CLASP1: variants seen among roughly 807,000 people sequenced by gnomAD.
CLASP1 encodes CLIP-associating protein 1.
In CLASP1, 38 loss-of-function variants were observed where a neutral mutation model predicts 192.3. That is an observed-to-expected ratio of 0.20 (90% CI 0.15 to 0.26). The LOEUF is 0.26. Among genes scored for constraint, CLASP1 ranks in the 10% least tolerant of loss-of-function variants. The pLI is 1.00. For synonymous variants in CLASP1, 691 were observed against 712.8 expected (o/e 0.97, Z 0.49); for missense variants, 1,433 against 1,932.5 (o/e 0.74, Z 4.85).
intron 1 of CLASP1, among the ~76,000 whole-genome samples, chr2:121,608,436 A>C (rs10209628): frequency 0.14 from 21,167 of 152,146 alleles, 2,143 homozygotes; most frequent in African/African-American, 0.28. Context: ...TATACAAGCA[A>C]TGGAACTTGC....
At chr2:121,577,642 T>C (rs2060655588) in intron 2 of CLASP1, among the ~76,000 whole-genome samples, 1 of 152,190 alleles carries the variant, frequency 6.6e-6, no homozygotes, top group Non-Finnish European at 1.5e-5. Flanking sequence ...ACGTAATTCT[T>C]TGGGAGGCAA....
At chr2:121,582,357 GAGAA>G (rs961441633) in intron 2 of CLASP1, among the ~76,000 whole-genome samples, 16 of 148,132 alleles carry the variant, frequency 1.1e-4, no homozygotes, top group East Asian at 2.0e-4. Context: ...GAGAGAGAGA[GAGAA>G]AGAAAGACAA....
chr2:121,350,555 A>G lies in CLASP1; in HGVS notation c.4207-1837T>C, dbSNP rs543287637. 7.7e-4 allele frequency among the ~76,000 whole-genome samples: 117 copies of G among 152,324 alleles called. 1 individual carries two copies. The highest frequency in any genetic ancestry group is 3.1e-3 in the Admixed American group (47 of 15,310). ...AGACGCTCGGCTTCACCTTCAGCCC[A>G]GGGCTACACTGTCCCATGAACAGGG... On this transcript the variant is annotated intron_variant, in intron 37 of 39. Coordinates refer to ENST00000263710, the Ensembl canonical transcript of CLASP1.
chr2:121,631,987 T>C (rs1231268537), intron 1 of CLASP1, among the ~76,000 whole-genome samples: 1 of 151,710 alleles, frequency 6.6e-6, no homozygotes, highest in African/African-American at 2.4e-5. Context: ...GCGGAGGCTG[T>C]AGTGAGCCGA....
At chr2:121,569,838 CA>C (rs1010999432) in intron 2 of CLASP1, among the ~76,000 whole-genome samples, 20 of 144,100 alleles carry the variant, frequency 1.4e-4, no homozygotes, top group East Asian at 2.0e-4. Context: ...GACTCTGTCT[CA>C]AAAAAAAAAA....
At chr2:121,394,650 G>C (rs899884374) in intron 30 of CLASP1, among the ~76,000 whole-genome samples, 2 of 152,242 alleles carry the variant, frequency 1.3e-5, no homozygotes, top group Admixed American at 6.5e-5. Flanking sequence ...GGGAGGCCAA[G>C]GTGGGCGGAT....
At chr2:121,422,257 GAAATGTC>G (rs1194136037) in intron 22 of CLASP1, among the ~76,000 whole-genome samples, 1 of 152,208 alleles carries the variant, frequency 6.6e-6, no homozygotes, top group Non-Finnish European at 1.5e-5. Flanking sequence ...TTAAAGACAT[GAAATGTC>G]TCTCTGGTCT....
At chr2:121,618,960 T>A (rs975133124) in intron 1 of CLASP1, among the ~76,000 whole-genome samples, 1 of 152,190 alleles carries the variant, frequency 6.6e-6, no homozygotes, top group South Asian at 2.1e-4. Flanking sequence ...AGAAACTGGA[T>A]GGATATATAA....
At chr2:121,367,756 C>A in exon 35 of CLASP1, 9 of 1,613,962 alleles carry the variant, frequency 5.6e-6, no homozygotes, top group Non-Finnish European at 6.8e-6. Context: ...TTATCCAGAG[C>A]TGTCCGGCCT....
chr2:121,440,328 T>C (rs1372756653), intron 19 of CLASP1, among the ~76,000 whole-genome samples: 1 of 152,224 alleles, frequency 6.6e-6, no homozygotes, highest in African/African-American at 2.4e-5. Context: ...TTGGCAATAT[T>C]ACTATGAGTA....
At chr2:121,386,506 G>GCCGGACGCCCTCCCGACACTT in intron 32 of CLASP1, among the ~76,000 whole-genome samples, 1 of 152,302 alleles carries the variant, frequency 6.6e-6, no homozygotes, top group South Asian at 2.1e-4. Context: ...TTGTCAGATG[G>GCCGGACGCCCTCCCGACACTT]TGAAGTATTA....
intron 30 of CLASP1, 45 bp downstream of exon 31, chr2:121,397,092 CAAG>C: frequency 1.3e-6 from 2 of 1,598,510 alleles, no homozygotes; most frequent in Non-Finnish European, 1.7e-6. Context: ...TTCTCTAACA[CAAG>C]CCCAGGAACA....
chr2:121,411,046 T>C, intron 23 of CLASP1, 77 bp from the exon 25 acceptor site: 1 of 878,180 alleles, frequency 1.1e-6, no homozygotes, highest in Admixed American at 2.7e-5. Flanking sequence ...CTACTGCCTC[T>C]TCCCACCAAG....
At chr2:121,490,297 G>A (rs1222016053) in intron 8 of CLASP1, 3 of 454,724 alleles carry the variant, frequency 6.6e-6, no homozygotes, top group Non-Finnish European at 1.3e-5. Context: ...ATGATTGTCA[G>A]TAATCCTGGT....
intron 1 of CLASP1, among the ~76,000 whole-genome samples, chr2:121,645,626 A>G (rs566321067): frequency 6.6e-6 from 1 of 152,252 alleles, no homozygotes; most frequent in Non-Finnish European, 1.5e-5. Flanking sequence ...AAGGATCTAG[A>G]GAAGAGTAAA....
chr2:121,348,585 G>A, exon 38 of CLASP1: 1 of 1,613,848 alleles, frequency 6.2e-7, no homozygotes, highest in South Asian at 1.1e-5. Context: ...GACGACTTTG[G>A]TCTGCATCTT....
chr2:121,630,531 C>A (rs893248199), intron 1 of CLASP1, among the ~76,000 whole-genome samples: 1 of 152,008 alleles, frequency 6.6e-6, no homozygotes, highest in Non-Finnish European at 1.5e-5. Flanking sequence ...CTCGTCCAGT[C>A]ACAAAATTCT....
chr2:121,514,420 G>T (rs1453950398), intron 7 of CLASP1, among the ~76,000 whole-genome samples: 1 of 151,788 alleles, frequency 6.6e-6, no homozygotes, highest in Non-Finnish European at 1.5e-5. Flanking sequence ...AGATTGTTTA[G>T]TATTGCTATT....
At chr2:121,603,735 C>T (rs2064077565) in intron 2 of CLASP1, among the ~76,000 whole-genome samples, 1 of 152,108 alleles carries the variant, frequency 6.6e-6, no homozygotes, top group African/African-American at 2.4e-5. Context: ...ATTAATTAGC[C>T]ATGAAAAAGA....
Sources: gnomAD v4.1 joint callset for allele counts (sites outside exome capture counted in the v4.1 genomes callset) on GRCh38, gnomAD v4.1.1 for gene constraint, MANE v1.5 for transcripts, NCBI Gene and HGNC (gene_info 2026-07-23, HGNC 2026-07-21) for gene names.